The following CBLN2 variants were observed in gnomAD, a reference collection of about 807,000 sequenced individuals.
The protein encoded by CBLN2 is cerebellin 2 precursor, also known as cerebellin-2.
CBLN2 carries 7 observed loss-of-function variants against 15.0 expected under a neutral mutation model. The observed-to-expected ratio is 0.47, with a 90% confidence interval of 0.27 to 0.88. The LOEUF is 0.88. Ranked by LOEUF, CBLN2 falls within the 40% of genes least tolerant of loss-of-function variation. The probability of loss-of-function intolerance (pLI) is 0.14; values close to 1 mark genes in which losing one functional copy is unlikely to be tolerated. For synonymous variants in CBLN2, 149 were observed against 135.2 expected, an observed-to-expected ratio of 1.10 and a Z score of -0.71; for missense variants, 242 against 304.5, an observed-to-expected ratio of 0.79 and a Z score of 1.53.
At chr18:72,613,389 CTG>C in intron 1 of CBLN2, among the ~76,000 whole-genome samples, 1 of 152,296 alleles carries the variant, frequency 6.6e-6, no homozygotes, top group South Asian at 2.1e-4. Context: ...GCCACTTACT[CTG>C]TCTCAAGAGT....
intron 1 of CBLN2, among the ~76,000 whole-genome samples, chr18:72,616,048 T>G (rs1327069921): frequency 6.6e-6 from 1 of 152,214 alleles, no homozygotes. Flanking sequence ...TTTCCTCTTG[T>G]TTCAAACACT....
rs977132641 is a variant in CBLN2, at chr18:72,585,623, G to C, written c.16-46851C>G. 1.2e-4 allele frequency among the ~76,000 whole-genome samples: 19 copies of C among 152,282 alleles called. No individual in the cohort carries two copies. The South Asian group carries it at 3.7e-3, about 30-fold the overall frequency. On this transcript the variant is annotated intron_variant, in intron 1 of 2. Transcript: ENST00000581073. ...CTCACTCCAGTTTGTGGAACTGAGA[G>C]CCCAGCCACCAGGCCTCAGGCCATC...
chr18:72,541,906 G>A lies in CBLN2; in HGVS notation c.255C>T (p.Ser85=), dbSNP rs760112976. 6.2e-7 allele frequency: 1 copy of A among 1,608,170 alleles called. No individual in the cohort carries two copies. Among genetic ancestry groups the A allele is most frequent in the South Asian group, 1.1e-5 (1 of 90,664 alleles). ...CCACCTTGGCGCTGCCGGAGCGCAC[G>A]GAGATGCCTAGGGAGGAGGTGACGG... ...DGAVTSSLGI[S]VRSGSAKVAF... The change falls in exon 3 of 5, where the codon TCC becomes TCT. Residue 85 remains serine (S), a synonymous_variant. Coordinates refer to ENST00000269503, the MANE Select transcript of CBLN2 (RefSeq NM_182511.4).
chr18:72,600,435 A>G (rs981232420), intron 1 of CBLN2, among the ~76,000 whole-genome samples: 2 of 152,158 alleles, frequency 1.3e-5, no homozygotes, highest in African/African-American at 4.8e-5. Context: ...ACACTACGGG[A>G]ATTTGGGTGT....
At chr18:72,637,442 C>T (rs1314925006) in intron 1 of CBLN2, among the ~76,000 whole-genome samples, 1 of 152,170 alleles carries the variant, frequency 6.6e-6, no homozygotes, top group Admixed American at 6.5e-5. Context: ...CTGAGCAGAT[C>T]CACAGCCCTG....
chr18:72,589,851 G>T (rs945055217), intron 1 of CBLN2, among the ~76,000 whole-genome samples: 2 of 152,226 alleles, frequency 1.3e-5, no homozygotes, highest in African/African-American at 4.8e-5. Context: ...TGGTTGTGGA[G>T]GTCAGCTGCA....
upstream of CBLN2, among the ~76,000 whole-genome samples, chr18:72,547,808 T>C (rs1332707132): frequency 6.6e-6 from 1 of 152,222 alleles, no homozygotes; most frequent in Admixed American, 6.5e-5. Context: ...AAATAAAATA[T>C]AAAGGTATGC....
chr18:72,620,252 C>CT (rs770218810), intron 1 of CBLN2: 56 of 151,664 alleles, frequency 3.7e-4, no homozygotes, highest in Admixed American at 1.1e-3. Context: ...GTGTGACAGC[C>CT]TTTTTTTTTG....
chr18:72,546,921 T>A (rs1199525581), upstream of CBLN2, among the ~76,000 whole-genome samples: 1 of 152,192 alleles, frequency 6.6e-6, no homozygotes, highest in Non-Finnish European at 1.5e-5. Flanking sequence ...CTGAAATGCA[T>A]CTTCAGCGTG....
chr18:72,568,346 G>T (rs1368982421), intron 1 of CBLN2, among the ~76,000 whole-genome samples: 1 of 152,170 alleles, frequency 6.6e-6, no homozygotes, highest in African/African-American at 2.4e-5. Context: ...TCGATGTGCT[G>T]GAGCCGAGAA....
chr18:72,547,301 G>A (rs1000367441), upstream of CBLN2, among the ~76,000 whole-genome samples: 6 of 152,002 alleles, frequency 3.9e-5, no homozygotes, highest in African/African-American at 9.7e-5. Flanking sequence ...TAAAAAATGC[G>A]CACACACGAA....
intron 1 of CBLN2, among the ~76,000 whole-genome samples, chr18:72,558,466 A>G (rs2069240226): frequency 6.6e-6 from 1 of 152,176 alleles, no homozygotes; most frequent in Non-Finnish European, 1.5e-5. Flanking sequence ...AGGTTAGCTG[A>G]GCACTGCAAA....
In CBLN2 at chr18:72,578,543, C is replaced by T. The variant is rs548038106; in HGVS notation, c.16-39771G>A. Among the ~76,000 whole-genome samples the T allele has an allele frequency of 3.9e-5, 6 of 152,140 alleles. No homozygotes were observed. The South Asian group carries it at 1.2e-3, about 32-fold the overall frequency. On this transcript the variant is annotated intron_variant, in intron 1 of 2. Transcript: ENST00000581073. ...TCTATTGTCTGGTATACTCTTTGTCCCCTCCTTTTTCTACTAAGTATGCTT... is the reference window on the plus strand; with the variant it reads ...TCTATTGTCTGGTATACTCTTTGTCTCCTCCTTTTTCTACTAAGTATGCTT...
At chr18:72,602,129 TC>T (rs775193083) in intron 1 of CBLN2, among the ~76,000 whole-genome samples, 91 of 152,168 alleles carry the variant, frequency 6.0e-4, no homozygotes, top group Non-Finnish European at 1.1e-3. Flanking sequence ...AACAAAGACA[TC>T]CCCTTCCGGT....
intron 1 of CBLN2, among the ~76,000 whole-genome samples, chr18:72,607,167 C>G (rs1168771919): frequency 3.3e-5 from 5 of 152,194 alleles, no homozygotes; most frequent in Admixed American, 1.3e-4. Flanking sequence ...AGTTCTGAAA[C>G]AGATTCTCCC....
intron 1 of CBLN2, among the ~76,000 whole-genome samples, chr18:72,600,581 C>T (rs1161436657): frequency 1.3e-5 from 2 of 152,036 alleles, no homozygotes; most frequent in African/African-American, 4.8e-5. Flanking sequence ...AGTTAGGGGC[C>T]TGGAAGGATA....
chr18:72,596,641 G>A lies in CBLN2; in HGVS notation c.15+41684C>T, dbSNP rs954527355. Among the ~76,000 whole-genome samples, 14 of 152,118 alleles carry A rather than the reference G, an allele frequency of 9.2e-5. 1 individual carries two copies. Among genetic ancestry groups the A allele is most frequent in the South Asian group, 8.3e-4 (4 of 4,824 alleles). ...AAGCCCTTAGCTTTTGTTTGTCTGA[G>A]AAGGTCTTTATTTCTTCTTGTGTTT... On this transcript the variant is annotated intron_variant, in intron 1 of 2. Coordinates refer to the CBLN2 transcript ENST00000581073.
In CBLN2 at chr18:72,538,263, G is replaced by A; in HGVS notation, c.588C>T (p.Asp196=). Residue 196 remains aspartate (D), a synonymous_variant, in exon 5 of 5, where the codon GAC becomes GAT. Transcript: ENST00000269503. ...NGVLLLMERE[D]KVHLKLERGN... is the part of the protein sequence containing the mutation. ...CTCTCTCAAGTTTGAGATGCACTTT[G>A]TCTTCCCTTTCCATGAGCAGCAGCA... 1 of 1,614,142 alleles carries A rather than the reference G, an allele frequency of 6.2e-7. No homozygotes were observed. Among genetic ancestry groups the A allele is most frequent in the Non-Finnish European group, 8.5e-7 (1 of 1,180,026 alleles).
chr18:72,598,491 A>G (rs1403514237), intron 1 of CBLN2, among the ~76,000 whole-genome samples: 4 of 152,200 alleles, frequency 2.6e-5, no homozygotes, highest in Admixed American at 2.6e-4. Context: ...CTCCTGGAGC[A>G]GTGAACTGCA....
Sources: gnomAD v4.1 joint callset for allele counts (sites outside exome capture counted in the v4.1 genomes callset) on GRCh38, gnomAD v4.1.1 for gene constraint, MANE v1.5 for transcripts, NCBI Gene and HGNC (gene_info 2026-07-23, HGNC 2026-07-21) for gene names.